Variants in PEA15 observed in about 807,000 individuals in gnomAD.
The protein encoded by PEA15 is proliferation and apoptosis adaptor protein 15, also known as astrocytic phosphoprotein PEA-15.
For synonymous variants in PEA15, 60 were observed against 61.8 expected (o/e 0.97, Z 0.13); for missense variants, 77 against 161.3 (o/e 0.48, Z 2.83).
rs1323163161 is a variant in PEA15, at chr1:160,213,188, C to T, written c.251C>T (p.Thr84Ile). 6.2e-7 allele frequency: 1 copy of T among 1,614,042 alleles called. No homozygotes were observed. The highest frequency in any genetic ancestry group is 1.3e-5 in the African/African-American group (1 of 74,922). Residue 84 changes from threonine (T) to isoleucine (I), a missense_variant, in exon 3 of 4, where the codon ACC (threonine) becomes ATC (isoleucine). By Grantham distance (89) the Thr-to-Ile change is moderately conservative. Coordinates refer to ENST00000360472, the MANE Select transcript of PEA15 (RefSeq NM_003768.5). The surrounding 1 kb of genome is among the most constrained non-coding windows in gnomAD (Gnocchi z 5.3). The stretch of plus-strand genomic sequence containing the variant: ...CTCACTATGGTGGTTGACTACAGAA[C>T]CCGTGTGCTGAAGATCTCTGAGGAG... ...DLLTMVVDYR[T>I]RVLKISEEDE...
Position 160,213,375 on chromosome 1 carries a change from G to A in PEA15, c.329-47G>A, listed in dbSNP as rs995565972. ...GGCAGATGCCCAATGGGCCTGCCTG[G>A]CATCTCCCACACTGCTGTCCCTGGA... On this transcript the variant is annotated intron_variant, in intron 3 of 3. Coordinates refer to ENST00000360472, the MANE Select transcript of PEA15 (RefSeq NM_003768.5). The surrounding 1 kb of genome is among the most constrained non-coding windows in gnomAD (Gnocchi z 5.3). 1 of 1,610,028 alleles carries A rather than the reference G, an allele frequency of 6.2e-7. No homozygotes were observed. Among genetic ancestry groups the A allele is most frequent in the Non-Finnish European group, 8.5e-7 (1 of 1,176,236 alleles).
intron 2 of PEA15, among the ~76,000 whole-genome samples, chr1:160,212,633 C>T (rs1448827019): frequency 6.6e-6 from 1 of 152,044 alleles, no homozygotes; most frequent in African/African-American, 2.4e-5. Context: ...TGGTGGTGTC[C>T]ATACCTTCTC....
At position 160,208,946 on chromosome 1, in the gene PEA15, GCCTTCTA is replaced by G; in HGVS notation, c.-2-2596_-2-2590del. 1 of 448,330 alleles carries G rather than the reference GCCTTCTA, an allele frequency of 2.2e-6. No individual in the cohort carries two copies. The highest frequency in any genetic ancestry group is 4.1e-6 in the Non-Finnish European group (1 of 245,302). 27.8% of individuals were successfully genotyped at this position (448,330 alleles called of 1,614,324 possible). A position where few individuals can be genotyped will look rare whatever the true frequency, so the allele number is the denominator to read the frequency against. On this transcript the variant is annotated intron_variant, in intron 1 of 3. Coordinates refer to ENST00000360472, the MANE Select transcript of PEA15 (RefSeq NM_003768.5). This position sits in a 1 kb window ranked among gnomAD's most constrained non-coding sequence, Gnocchi z 4.1. ...TAGTAACAGATGAGATGAGGCTACA[GCCTTCTA>G]TAGTTGTGGACTGTATGCTCTCCTC...
chr1:160,209,206 T>A (rs1013605054), intron 1 of PEA15, among the ~76,000 whole-genome samples: 19 of 151,880 alleles, frequency 1.3e-4, no homozygotes, highest in African/African-American at 3.9e-4. Flanking sequence ...CACATACACC[T>A]CCATTACCAG....
intron 1 of PEA15, among the ~76,000 whole-genome samples, chr1:160,210,465 T>C (rs1428807393): frequency 6.6e-6 from 1 of 152,232 alleles, no homozygotes; most frequent in African/African-American, 2.4e-5. Context: ...CATTCAAACA[T>C]CTGACCTTCT....
chr1:160,208,866 T>C lies in PEA15; in HGVS notation c.-2-2677T>C, dbSNP rs573393922. On this transcript the variant is annotated intron_variant, in intron 1 of 3. Coordinates refer to ENST00000360472, the MANE Select transcript of PEA15 (RefSeq NM_003768.5). This position sits in a 1 kb window ranked among gnomAD's most constrained non-coding sequence, Gnocchi z 4.1. The stretch of plus-strand genomic sequence containing the variant: ...CACCATTCCCTACACTCCTCCCATC[T>C]AGTGGTGTCATCCTAACGACTGGGG... 100 of 571,442 alleles carry C rather than the reference T, an allele frequency of 1.7e-4. No individual in the cohort carries two copies. Among genetic ancestry groups the C allele is most frequent in the Admixed American group, 2.7e-4 (9 of 33,512 alleles). 35.4% of individuals were successfully genotyped at this position (571,442 alleles called of 1,614,324 possible). A position where few individuals can be genotyped will look rare whatever the true frequency, so the allele number is the denominator to read the frequency against.
Position 160,213,536 on chromosome 1 carries a change from T to A in PEA15, c.*50T>A. The A allele has an allele frequency of 6.5e-7, 1 of 1,543,992 alleles. No individual in the cohort carries two copies. The stretch of plus-strand genomic sequence containing the variant: ...GTTGGACCTTCATCAGACCACTCCC[T>A]TCCCCCATCCTCCAGGAGAGGGGGC... On this transcript the variant is annotated 3_prime_UTR_variant, in exon 4 of 4. Transcript: ENST00000360472. This position sits in a 1 kb window ranked among gnomAD's most constrained non-coding sequence, Gnocchi z 5.3.
intron 1 of PEA15, among the ~76,000 whole-genome samples, chr1:160,210,265 C>A (rs1352530671): frequency 3.3e-5 from 5 of 152,240 alleles, no homozygotes; most frequent in Non-Finnish European, 7.3e-5. Flanking sequence ...AGGCAGCCTC[C>A]GTCAGGGACA....
chr1:160,207,036 G>T (rs893606244), intron 1 of PEA15: 7 of 152,426 alleles, frequency 4.6e-5, no homozygotes, highest in African/African-American at 1.7e-4. Context: ...AGATCCTCAC[G>T]CACAATGTCA....
chr1:160,208,963 A>C lies in PEA15; in HGVS notation c.-2-2580A>C. ...AGGCTACAGCCTTCTATAGTTGTGG[A>C]CTGTATGCTCTCCTCCCCCTCGCCC... On this transcript the variant is annotated intron_variant, in intron 1 of 3. Coordinates refer to ENST00000360472, the MANE Select transcript of PEA15 (RefSeq NM_003768.5). This position sits in a 1 kb window ranked among gnomAD's most constrained non-coding sequence, Gnocchi z 4.1. 1 of 367,996 alleles carries C rather than the reference A, an allele frequency of 2.7e-6. No individual in the cohort carries two copies. Among genetic ancestry groups the C allele is most frequent in the Non-Finnish European group, 5.0e-6 (1 of 199,968 alleles). The allele number at this position is 367,996 out of a possible 1,614,324, so 22.8% of individuals were successfully genotyped here.
At position 160,207,276 on chromosome 1, in the gene PEA15, A is replaced by G. The variant is rs561417373; in HGVS notation, c.-3+1754A>G. 5 of 152,490 alleles carry G rather than the reference A, an allele frequency of 3.3e-5. No homozygotes were observed. In the East Asian group the frequency reaches 9.6e-4, roughly 29 times the overall value. The allele number at this position is 152,490 out of a possible 1,614,324, so 9.4% of individuals were successfully genotyped here. ...GCTAGAAGGGGTGAAAGCCTATAGAAAGGAGGAAAAGAGAGACTGAAAGAT... is the reference window on the plus strand; with the variant it reads ...GCTAGAAGGGGTGAAAGCCTATAGAGAGGAGGAAAAGAGAGACTGAAAGAT... On this transcript the variant is annotated intron_variant, in intron 1 of 3. Transcript: ENST00000360472.
Position 160,213,923 on chromosome 1 carries a change from C to T in PEA15, c.*437C>T, listed in dbSNP as rs17847309. ...TGGATCCAGGGAAAAGCAGTGGGGA[C>T]GGAAGGCAAAGAGACCACTCAACCC... On this transcript the variant is annotated 3_prime_UTR_variant, in exon 4 of 4. Transcript: ENST00000360472. The surrounding 1 kb of genome is among the most constrained non-coding windows in gnomAD (Gnocchi z 5.3). The T allele has an allele frequency of 2.1e-5, 4 of 186,096 alleles. No homozygotes were observed. Among genetic ancestry groups the T allele is most frequent in the South Asian group, 1.1e-4 (1 of 8,946 alleles). 11.5% of individuals were successfully genotyped at this position (186,096 alleles called of 1,614,324 possible).
rs1654706536 is a variant in PEA15 at position 160,208,579 on chromosome 1, T to C, written c.-2-2964T>C. On this transcript the variant is annotated intron_variant, in intron 1 of 3. Coordinates refer to ENST00000360472, the MANE Select transcript of PEA15 (RefSeq NM_003768.5). This position sits in a 1 kb window ranked among gnomAD's most constrained non-coding sequence, Gnocchi z 4.1. ...GATTTCTCCACGAGCCCTAAGGAAATCTGAATCTCTGGTGAGGAAAGTGAC... is the reference window on the plus strand; with the variant it reads ...GATTTCTCCACGAGCCCTAAGGAAACCTGAATCTCTGGTGAGGAAAGTGAC... The C allele has an allele frequency of 6.5e-7, 1 of 1,548,402 alleles. No individual in the cohort carries two copies. Among genetic ancestry groups the C allele is most frequent in the Non-Finnish European group, 8.7e-7 (1 of 1,145,054 alleles).
intron 1 of PEA15, among the ~76,000 whole-genome samples, chr1:160,207,409 A>G (rs1286036276): frequency 6.6e-6 from 1 of 152,184 alleles, no homozygotes; most frequent in Non-Finnish European, 1.5e-5. Flanking sequence ...GGCTGGGGAG[A>G]GTCCTAGGCC....
At position 160,208,780 on chromosome 1, in the gene PEA15, G is replaced by C; in HGVS notation, c.-2-2763G>C. On this transcript the variant is annotated intron_variant, in intron 1 of 3. Coordinates refer to ENST00000360472, the MANE Select transcript of PEA15 (RefSeq NM_003768.5). The surrounding 1 kb of genome is among the most constrained non-coding windows in gnomAD (Gnocchi z 4.1). Reference sequence around the variant, plus strand: ...GATCTCTCCAAGAAGGGAGGCAACTGGGCTGCCTTTCCTTGTACCGTCAGG... The same window carrying C: ...GATCTCTCCAAGAAGGGAGGCAACTCGGCTGCCTTTCCTTGTACCGTCAGG... 1.1e-6 allele frequency: 1 copy of C among 884,990 alleles called. No homozygotes were observed. The highest frequency in any genetic ancestry group is 1.8e-6 in the Non-Finnish European group (1 of 555,516). The allele number at this position is 884,990 out of a possible 1,614,324, so 54.8% of individuals were successfully genotyped here.
At chr1:160,207,049 A>T (rs1442263343) in intron 1 of PEA15, 1 of 152,456 alleles carries the variant, frequency 6.6e-6, no homozygotes, top group Non-Finnish European at 1.5e-5. Flanking sequence ...CAATGTCATG[A>T]TGGATATCTT....
At chr1:160,212,992 GT>G in intron 2 of PEA15, 117 bp from the exon 3 acceptor site, 1 of 966,212 alleles carries the variant, frequency 1.0e-6, no homozygotes, top group Middle Eastern at 2.9e-4. Context: ...CTCCAGTGTT[GT>G]ACCCTCCCAT....
At position 160,213,505 on chromosome 1, in the gene PEA15, A is replaced by AG. The variant is rs1464078974; in HGVS notation, c.*21dup. On this transcript the variant is annotated 3_prime_UTR_variant, in exon 4 of 4. Transcript: ENST00000360472. This position sits in a 1 kb window ranked among gnomAD's most constrained non-coding sequence, Gnocchi z 5.3. Reference sequence around the variant, plus strand: ...GGCCTGAGCAAGGGGGAGGAAGAGGAGGAAGGTTGGACCTTCATCAGACCA... The same window carrying AG: ...GGCCTGAGCAAGGGGGAGGAAGAGGAGGGAAGGTTGGACCTTCATCAGACCA... 2 of 1,611,694 alleles carry AG rather than the reference A, an allele frequency of 1.2e-6. No individual in the cohort carries two copies. Among genetic ancestry groups the AG allele is most frequent in the East Asian group, 4.5e-5 (2 of 44,852 alleles).
chr1:160,211,748 C>T lies in PEA15; in HGVS notation c.172+32C>T, dbSNP rs753457156. Reference sequence around the variant, plus strand: ...GAGGGGAGCACAGGGGTCCTGTCATCAGTCATTCAGGCTCAGTTCATTCAG... The same window carrying T: ...GAGGGGAGCACAGGGGTCCTGTCATTAGTCATTCAGGCTCAGTTCATTCAG... On this transcript the variant is annotated intron_variant, in intron 2 of 3. Coordinates refer to ENST00000360472, the MANE Select transcript of PEA15 (RefSeq NM_003768.5). 6 of 1,597,582 alleles carry T rather than the reference C, an allele frequency of 3.8e-6. No homozygotes were observed. In the South Asian group the frequency reaches 6.8e-5, roughly 18 times the overall value.
Sources: gnomAD v4.1 joint callset for allele counts (sites outside exome capture counted in the v4.1 genomes callset) on GRCh38, gnomAD v4.1.1 for gene constraint, Gnocchi (gnomAD v3.1) non-coding constraint, MANE v1.5 for transcripts, NCBI Gene and HGNC (gene_info 2026-07-23, HGNC 2026-07-21) for gene names.